The following KCNC2 variants were observed in gnomAD, a reference collection of about 807,000 sequenced individuals.
The protein encoded by KCNC2 is voltage-gated potassium channel KCNC2.
A neutral mutation model predicts 44.5 loss-of-function variants in KCNC2; 21 were observed. The ratio of observed to expected loss-of-function variants is 0.47; its 90% confidence interval spans 0.33 to 0.68. KCNC2 has a LOEUF of 0.68. Ranked by LOEUF, KCNC2 falls within the 30% of genes least tolerant of loss-of-function variation. KCNC2 has a pLI of 0.01. For missense variants in KCNC2, 589 were observed against 826.2 expected (o/e 0.71, Z 3.52); for synonymous variants, 391 against 339.1 (o/e 1.15, Z -1.68).
intron 2 of KCNC2, among the ~76,000 whole-genome samples, chr12:75,147,402 A>G (rs1300794991): frequency 1.3e-5 from 2 of 152,166 alleles, no homozygotes; most frequent in African/African-American, 4.8e-5. Context: ...TCTTACCATC[A>G]TATTCACACT....
chr12:75,085,573 A>T (rs144286244), intron 2 of KCNC2, among the ~76,000 whole-genome samples: 2 of 152,184 alleles, frequency 1.3e-5, no homozygotes, highest in African/African-American at 4.8e-5. Context: ...CTAACATCAG[A>T]GCCTTTGCTC....
chr12:75,172,318 A>T (rs935768825), intron 2 of KCNC2, among the ~76,000 whole-genome samples: 8 of 151,852 alleles, frequency 5.3e-5, no homozygotes, highest in Admixed American at 6.6e-5. Flanking sequence ...TCACTGGGGC[A>T]TGTTGGAGGC....
chr12:75,104,865 G>A (rs567047581), intron 2 of KCNC2, among the ~76,000 whole-genome samples: 1 of 152,196 alleles, frequency 6.6e-6, no homozygotes, highest in East Asian at 1.9e-4. Flanking sequence ...TACCACTGGG[G>A]CAGCACTTCC....
At chr12:75,111,215 T>C (rs1887209880) in intron 2 of KCNC2, among the ~76,000 whole-genome samples, 1 of 152,198 alleles carries the variant, frequency 6.6e-6, no homozygotes, top group African/African-American at 2.4e-5. Context: ...GAAGATAATA[T>C]GTTAGAGTGC....
intron 2 of KCNC2, among the ~76,000 whole-genome samples, chr12:75,178,196 TTGTC>T: frequency 6.6e-6 from 1 of 152,160 alleles, no homozygotes; most frequent in East Asian, 1.9e-4. Context: ...CAGTGAGTCA[TTGTC>T]TGACTCACAG....
intron 2 of KCNC2, among the ~76,000 whole-genome samples, chr12:75,063,057 A>C (rs1436674382): frequency 6.6e-6 from 1 of 152,024 alleles, no homozygotes; most frequent in Non-Finnish European, 1.5e-5. Context: ...TTATCACCTT[A>C]CTTTATCTTT....
At chr12:75,095,043 T>C (rs922759439) in intron 2 of KCNC2, among the ~76,000 whole-genome samples, 1 of 151,888 alleles carries the variant, frequency 6.6e-6, no homozygotes, top group Non-Finnish European at 1.5e-5. Flanking sequence ...GTTCTTCACA[T>C]AGAAAGGACC....
At chr12:75,173,049 T>C (rs534619674) in intron 2 of KCNC2, among the ~76,000 whole-genome samples, 1 of 152,046 alleles carries the variant, frequency 6.6e-6, no homozygotes, top group South Asian at 2.1e-4. Flanking sequence ...ATTACTATTA[T>C]ATACCCTCAT....
chr12:75,163,390 T>C (rs1463802440), intron 2 of KCNC2, among the ~76,000 whole-genome samples: 1 of 151,730 alleles, frequency 6.6e-6, no homozygotes, highest in Non-Finnish European at 1.5e-5. Flanking sequence ...GAGAGAAACT[T>C]ATTATTTAAA....
intron 2 of KCNC2, among the ~76,000 whole-genome samples, chr12:75,143,543 G>C (rs1325604919): frequency 6.6e-6 from 1 of 152,114 alleles, no homozygotes; most frequent in African/African-American, 2.4e-5. Flanking sequence ...CTTATCTTCA[G>C]ATTCAAGCCC....
intron 2 of KCNC2, among the ~76,000 whole-genome samples, chr12:75,146,534 TATTTC>T (rs1890041525): frequency 6.6e-6 from 1 of 152,266 alleles, no homozygotes; most frequent in Admixed American, 6.5e-5. Context: ...AACCACACTT[TATTTC>T]TTTAATCCAT....
intron 2 of KCNC2, among the ~76,000 whole-genome samples, chr12:75,109,498 G>A (rs187015335): frequency 4.6e-5 from 7 of 152,298 alleles, no homozygotes; most frequent in Admixed American, 3.3e-4. Flanking sequence ...GAGAGCTGCA[G>A]CTGGGGCTAT....
chr12:75,159,662 C>T (rs1031409088), intron 2 of KCNC2, among the ~76,000 whole-genome samples: 1 of 151,840 alleles, frequency 6.6e-6, no homozygotes, highest in African/African-American at 2.4e-5. Flanking sequence ...CACAAAAGAG[C>T]TAAACTATCT....
At chr12:75,156,986 T>C (rs1890805098) in intron 2 of KCNC2, among the ~76,000 whole-genome samples, 1 of 151,762 alleles carries the variant, frequency 6.6e-6, no homozygotes, top group Non-Finnish European at 1.5e-5. Context: ...TCAAGAAATA[T>C]TTAGAGACCC....
At chr12:75,193,223 T>A (rs899067453) in intron 2 of KCNC2, among the ~76,000 whole-genome samples, 1 of 152,170 alleles carries the variant, frequency 6.6e-6, no homozygotes, top group Non-Finnish European at 1.5e-5. Flanking sequence ...TTTAAAATGG[T>A]GAAAAATAAT....
At chr12:75,087,763 A>ACTC (rs1885143762) in intron 2 of KCNC2, among the ~76,000 whole-genome samples, 1 of 152,086 alleles carries the variant, frequency 6.6e-6, no homozygotes, top group African/African-American at 2.4e-5. Flanking sequence ...AGGCCTGAGA[A>ACTC]CATGAGCACA....
At chr12:75,089,020 T>G (rs2137120166) in intron 2 of KCNC2, among the ~76,000 whole-genome samples, 1 of 151,980 alleles carries the variant, frequency 6.6e-6, no homozygotes, top group Middle Eastern at 3.4e-3. Context: ...GGTTTAAATA[T>G]TAAGCTCAAA....
intron 2 of KCNC2, among the ~76,000 whole-genome samples, chr12:75,173,898 A>G (rs573731683): frequency 6.6e-6 from 1 of 152,004 alleles, no homozygotes; most frequent in Non-Finnish European, 1.5e-5. Flanking sequence ...AGATTTCTTC[A>G]CCAATGAAAC....
At chr12:75,181,474 C>G (rs942114307) in intron 2 of KCNC2, among the ~76,000 whole-genome samples, 2 of 152,136 alleles carry the variant, frequency 1.3e-5, no homozygotes, top group African/African-American at 4.8e-5. Flanking sequence ...TTTCTTCCTC[C>G]TACTACTAAG....
Sources: allele counts gnomAD v4.1 joint callset (sites outside exome capture counted in the v4.1 genomes callset), GRCh38; gene constraint gnomAD v4.1.1; transcripts MANE v1.5; gene names NCBI Gene and HGNC (gene_info 2026-07-23, HGNC 2026-07-21).